Variants in CDH13 observed in about 807,000 individuals in gnomAD.
CDH13 encodes cadherin 13.
A neutral mutation model predicts 63.8 loss-of-function variants in CDH13; 24 were observed. That is an observed-to-expected ratio of 0.38 (90% CI 0.27 to 0.53). The LOEUF (loss-of-function observed/expected upper bound fraction) is 0.53. Ranked by LOEUF, CDH13 falls within the 20% of genes least tolerant of loss-of-function variation. The probability of loss-of-function intolerance (pLI) is 0.85; values close to 1 mark genes in which losing one functional copy is unlikely to be tolerated. For synonymous variants in CDH13, 503 were observed against 355.3 expected, an observed-to-expected ratio of 1.42 and a Z score of -4.67; for missense variants, 1,049 against 903.1, an observed-to-expected ratio of 1.16 and a Z score of -2.07.
At chr16:83,180,142 T>A (rs915372423) in intron 4 of CDH13, among the ~76,000 whole-genome samples, 5 of 150,086 alleles carry the variant, frequency 3.3e-5, no homozygotes, top group Non-Finnish European at 7.4e-5. Flanking sequence ...AAGTAAGGTT[T>A]TTTTTGTTGT....
intron 3 of CDH13, among the ~76,000 whole-genome samples, chr16:83,090,573 CAAA>C (rs372312398): frequency 3.8e-5 from 5 of 129,942 alleles, no homozygotes; most frequent in Admixed American, 1.6e-4. Flanking sequence ...AACTGCATCT[CAAA>C]AAAAAAAAAA....
At chr16:82,967,337 T>C (rs933964696) in intron 2 of CDH13, among the ~76,000 whole-genome samples, 11 of 152,162 alleles carry the variant, frequency 7.2e-5, no homozygotes, top group African/African-American at 2.7e-4. Flanking sequence ...TAATCACAAC[T>C]TGAATTGTAT....
intron 7 of CDH13, among the ~76,000 whole-genome samples, chr16:83,499,410 C>T (rs2074219730): frequency 1.3e-5 from 2 of 152,180 alleles, no homozygotes; most frequent in African/African-American, 2.4e-5. Flanking sequence ...CTGAGATGAC[C>T]GTCTTCAGAT....
rs563384957 is a variant in CDH13, at chr16:83,770,359, C to T, written c.1682-9609C>T. ...CTTTACAATTGCCAGGCATTCCATTCACTTTATAGAATAGCCAGAAAGCTC... is the reference window on the plus strand; with the variant it reads ...CTTTACAATTGCCAGGCATTCCATTTACTTTATAGAATAGCCAGAAAGCTC... On this transcript the variant is annotated intron_variant, in intron 11 of 13. Transcript: ENST00000567109. Among the ~76,000 whole-genome samples the T allele has an allele frequency of 5.9e-5, 9 of 152,272 alleles. No homozygotes were observed. The South Asian group carries it at 1.2e-3, about 21-fold the overall frequency.
At chr16:83,066,578 A>T (rs896111636) in intron 3 of CDH13, among the ~76,000 whole-genome samples, 4 of 152,232 alleles carry the variant, frequency 2.6e-5, no homozygotes, top group Admixed American at 6.5e-5. Context: ...AAATGATGTG[A>T]CAAGGACCAG....
chr16:82,831,610 A>G (rs2151114804), intron 1 of CDH13, among the ~76,000 whole-genome samples: 1 of 152,312 alleles, frequency 6.6e-6, no homozygotes, highest in Non-Finnish European at 1.5e-5. Context: ...AGAACCAACA[A>G]CCAAATCAAT....
At chr16:82,982,611 G>A (rs1256204587) in intron 2 of CDH13, among the ~76,000 whole-genome samples, 1 of 152,152 alleles carries the variant, frequency 6.6e-6, no homozygotes, top group Non-Finnish European at 1.5e-5. Flanking sequence ...TATCCCCAGA[G>A]AAATGCATTC....
At chr16:83,066,567 G>C (rs2032026495) in intron 3 of CDH13, among the ~76,000 whole-genome samples, 1 of 152,192 alleles carries the variant, frequency 6.6e-6, no homozygotes, top group South Asian at 2.1e-4. Flanking sequence ...TTTGCAAAGA[G>C]AAATGATGTG....
intron 3 of CDH13, among the ~76,000 whole-genome samples, chr16:83,083,448 G>A (rs756463966): frequency 6.6e-6 from 1 of 152,292 alleles, no homozygotes; most frequent in South Asian, 2.1e-4. Flanking sequence ...ATTTGCTGGA[G>A]GTGGAACAAA....
chr16:82,911,976 G>A (rs149268914), intron 2 of CDH13, among the ~76,000 whole-genome samples: 2 of 152,048 alleles, frequency 1.3e-5, no homozygotes, highest in East Asian at 3.9e-4. Context: ...TCATGTGCTT[G>A]TGACCCACGA....
At position 82,856,693 on chromosome 16, in the gene CDH13, C is replaced by CAAAA. The variant is rs56106728; in HGVS notation, c.46-1644_46-1641dup. ...TGGGCAACATGGCAAGACTCGGTCT[C>CAAAA]AAAAAAAAAAAAAAAAAAAAAAAAA... On this transcript the variant is annotated intron_variant, in intron 1 of 13. Coordinates refer to ENST00000567109, the MANE Select transcript of CDH13 (RefSeq NM_001257.5). 3.0e-3 allele frequency among the ~76,000 whole-genome samples: 148 copies of CAAAA among 49,550 alleles called. 10 individuals are homozygous for CAAAA. Among genetic ancestry groups the CAAAA allele is most frequent in the Non-Finnish European group, 3.9e-3 (121 of 30,676 alleles). The allele number at this position is 49,550 out of a possible 152,430, so 32.5% of individuals were successfully genotyped here.
intron 1 of CDH13, among the ~76,000 whole-genome samples, chr16:82,813,766 C>T (rs1266217067): frequency 1.3e-5 from 2 of 152,128 alleles, no homozygotes; most frequent in Admixed American, 6.5e-5. Flanking sequence ...CTGAGGCTGC[C>T]TCCATCTACA....
intron 7 of CDH13, among the ~76,000 whole-genome samples, chr16:83,590,413 A>G (rs1319429072): frequency 6.6e-6 from 1 of 152,138 alleles, no homozygotes; most frequent in East Asian, 1.9e-4. Flanking sequence ...ATTGCTACAG[A>G]GACTCCCAGG....
intron 6 of CDH13, among the ~76,000 whole-genome samples, chr16:83,470,006 A>G (rs186724193): frequency 8.2e-4 from 125 of 152,320 alleles, no homozygotes; most frequent in Middle Eastern, 6.8e-3. Flanking sequence ...ACTTGGCCGT[A>G]GTCTCTGGGT....
intron 2 of CDH13, among the ~76,000 whole-genome samples, chr16:82,908,747 C>G (rs1405833519): frequency 6.6e-6 from 1 of 152,140 alleles, no homozygotes; most frequent in African/African-American, 2.4e-5. Context: ...ATACCAAAAT[C>G]TGCAGATACT....
intron 11 of CDH13, among the ~76,000 whole-genome samples, chr16:83,773,840 C>T (rs1166731832): frequency 1.3e-5 from 2 of 152,142 alleles, no homozygotes; most frequent in South Asian, 2.1e-4. Context: ...ACACTGTTCC[C>T]CAGTCATGAG....
intron 7 of CDH13, among the ~76,000 whole-genome samples, chr16:83,561,383 G>A (rs2075705747): frequency 6.8e-6 from 1 of 147,228 alleles, no homozygotes; most frequent in Non-Finnish European, 1.5e-5. Flanking sequence ...CTGAGATTGT[G>A]CCATTGCACT....
chr16:82,857,026 C>G (rs906304558), intron 1 of CDH13, among the ~76,000 whole-genome samples: 2 of 152,140 alleles, frequency 1.3e-5, no homozygotes, highest in African/African-American at 2.4e-5. Context: ...TACCCTTCCA[C>G]AAGTTTTAGA....
intron 2 of CDH13, among the ~76,000 whole-genome samples, chr16:83,031,697 A>G (rs1916368321): frequency 6.6e-6 from 1 of 152,134 alleles, no homozygotes; most frequent in Non-Finnish European, 1.5e-5. Flanking sequence ...TGCCAGGATT[A>G]GATCACTTCC....
Sources: gnomAD v4.1 joint callset for allele counts (sites outside exome capture counted in the v4.1 genomes callset) on GRCh38, gnomAD v4.1.1 for gene constraint, MANE v1.5 for transcripts, NCBI Gene and HGNC (gene_info 2026-07-23, HGNC 2026-07-21) for gene names.